Variants in MMAB observed in about 807,000 individuals in gnomAD.
The protein encoded by MMAB is corrinoid adenosyltransferase MMAB.
Under a neutral mutation model 30.6 loss-of-function variants are expected in MMAB, and 17 were observed. That is an observed-to-expected ratio of 0.56 (90% CI 0.38 to 0.83). The LOEUF is 0.83. Ranked by LOEUF, MMAB falls within the 40% of genes least tolerant of loss-of-function variation. The pLI is 0.00. For synonymous variants in MMAB, 134 were observed against 138.6 expected (o/e 0.97, Z 0.23); for missense variants, 311 against 331.6 (o/e 0.94, Z 0.48).
chr12:109,563,431 G>A (rs1239146577), intron 4 of MMAB, among the ~76,000 whole-genome samples: 3 of 152,222 alleles, frequency 2.0e-5, no homozygotes, highest in African/African-American at 4.8e-5. Context: ...CAGGCCCTGC[G>A]AGCGGCTACC....
At chr12:109,566,889 C>T in intron 3 of MMAB, 1 of 437,706 alleles carries the variant, frequency 2.3e-6, no homozygotes. Context: ...TCCCTTTGCC[C>T]ACTTGGTCTT....
intron 2 of MMAB, among the ~76,000 whole-genome samples, 156 bp downstream of exon 2, chr12:109,571,493 T>G (rs1251659487): frequency 6.6e-6 from 1 of 152,154 alleles, no homozygotes; most frequent in African/African-American, 2.4e-5. Context: ...CTCAGATGAT[T>G]AGCCCAACAG....
In MMAB at chr12:109,558,450, C is replaced by T. The variant is rs549423472; in HGVS notation, c.644+646G>A. On this transcript the variant is annotated intron_variant, in intron 8 of 8. Transcript: ENST00000545712. The surrounding 1 kb of genome is among the most constrained non-coding windows in gnomAD (Gnocchi z 4.3). ...GACACCCAGGACAGCTCCTGGGGTG[C>T]AGACCTGCTCCCCCAGCTCTCTACC... Among the ~76,000 whole-genome samples the T allele has an allele frequency of 1.3e-5, 2 of 152,158 alleles. No homozygotes were observed. The highest frequency in any genetic ancestry group is 2.9e-5 in the Non-Finnish European group (2 of 67,998).
rs920927158 is a variant in MMAB at position 109,555,967 on chromosome 12, C to T, written c.*1061G>A. The stretch of plus-strand genomic sequence containing the variant: ...TGATGGCTGAATGGAGTTCGCCAGG[C>T]ATTTCAGCCCTGAAACTGGACAAGA... On this transcript the variant is annotated 3_prime_UTR_variant, in exon 9 of 9. Coordinates refer to ENST00000545712, the MANE Select transcript of MMAB (RefSeq NM_052845.4). The T allele has an allele frequency of 4.4e-6, 2 of 454,018 alleles. No individual in the cohort carries two copies. The highest frequency in any genetic ancestry group is 8.8e-6 in the Non-Finnish European group (2 of 226,682). 28.1% of individuals were successfully genotyped at this position (454,018 alleles called of 1,614,324 possible). A position where few individuals can be genotyped will look rare whatever the true frequency, so the allele number is the denominator to read the frequency against.
At chr12:109,565,544 T>TGGTGATA (rs1234042714) in intron 3 of MMAB, among the ~76,000 whole-genome samples, 4 of 152,086 alleles carry the variant, frequency 2.6e-5, no homozygotes, top group African/African-American at 9.7e-5. Context: ...CGCAGCCCTG[T>TGGTGATA]GGTGATAGGT....
At chr12:109,570,810 G>A (rs1393937038) in intron 2 of MMAB, among the ~76,000 whole-genome samples, 1 of 150,510 alleles carries the variant, frequency 6.6e-6, no homozygotes, top group African/African-American at 2.5e-5. Flanking sequence ...AAAGGTGGAG[G>A]CTGTTGTGAG....
intron 4 of MMAB, among the ~76,000 whole-genome samples, chr12:109,564,540 T>C (rs1251995038): frequency 7.9e-5 from 12 of 151,340 alleles, no homozygotes; most frequent in Non-Finnish European, 1.2e-4. Flanking sequence ...CATGCCACCA[T>C]ACTTGGCTAA....
chr12:109,571,811 C>G lies in MMAB; in HGVS notation c.135-101G>C, dbSNP rs1884639025. The G allele has an allele frequency of 1.7e-5, 15 of 908,284 alleles. No homozygotes were observed. The South Asian group carries it at 2.0e-4, about 12-fold the overall frequency. 56.3% of individuals were successfully genotyped at this position (908,284 alleles called of 1,614,324 possible). ...AGCTTGCTGCTTGTAACCTCAGAGG[C>G]AGCACTTACCCCTTACTGCTTAGAT... is the stretch of plus-strand genomic sequence containing the variant. On this transcript the variant is annotated intron_variant, in intron 1 of 8. Coordinates refer to ENST00000545712, the MANE Select transcript of MMAB (RefSeq NM_052845.4).
chr12:109,560,972 T>TTCCCC, intron 7 of MMAB, 68 bp downstream of exon 7: 1 of 464,390 alleles, frequency 2.2e-6, no homozygotes, highest in Non-Finnish European at 4.1e-6. Flanking sequence ...CCTCTCCCTC[T>TTCCCC]CCCTCCCCCC....
chr12:109,562,066 A>C (rs902090276), intron 4 of MMAB, among the ~76,000 whole-genome samples: 4 of 152,174 alleles, frequency 2.6e-5, no homozygotes, highest in Non-Finnish European at 5.9e-5. Flanking sequence ...TGATTGGATC[A>C]TTGGGGTAGT....
intron 3 of MMAB, 144 bp downstream of exon 3, chr12:109,568,626 G>C (rs1172353212): frequency 2.7e-6 from 2 of 750,540 alleles, no homozygotes; most frequent in Non-Finnish European, 4.9e-6. Context: ...GAGCTGACCA[G>C]CCTGTGCTTC....
At position 109,558,997 on chromosome 12, in the gene MMAB, A is replaced by C; in HGVS notation, c.644+99T>G. The C allele has an allele frequency of 3.5e-6, 3 of 865,880 alleles. No homozygotes were observed. Among genetic ancestry groups the C allele is most frequent in the Admixed American group, 1.8e-5 (1 of 54,322 alleles). The allele number at this position is 865,880 out of a possible 1,614,324, so 53.6% of individuals were successfully genotyped here. A position where few individuals can be genotyped will look rare whatever the true frequency, so the allele number is the denominator to read the frequency against. On this transcript the variant is annotated intron_variant, in intron 8 of 8. Coordinates refer to ENST00000545712, the MANE Select transcript of MMAB (RefSeq NM_052845.4). This position sits in a 1 kb window ranked among gnomAD's most constrained non-coding sequence, Gnocchi z 4.3. ...AGGGAATGAAGGAGGGGGTGCGGGA[A>C]TGCTGCCCCACACTGCTTCCCGGAC... is the stretch of plus-strand genomic sequence containing the variant.
At position 109,573,477 on chromosome 12, in the gene MMAB, C is replaced by T. The variant is rs1157166932; in HGVS notation, c.4G>A (p.Ala2Thr). The T allele has an allele frequency of 6.2e-7, 1 of 1,603,184 alleles. No individual in the cohort carries two copies. Residue 2 changes from alanine to threonine, a missense_variant, in exon 1 of 9, where the codon GCT becomes ACT. Coordinates refer to ENST00000545712, the MANE Select transcript of MMAB (RefSeq NM_052845.4). MAVCGLGSRLGL... is the reference protein window; with the variant it reads MTVCGLGSRLGL... ...AGACGGCTCCCCAGGCCGCACACAG[C>T]CATGAGCCAGGCTGCTTGACGGGAC... is the stretch of plus-strand genomic sequence containing the variant.
intron 4 of MMAB, among the ~76,000 whole-genome samples, chr12:109,563,196 C>G (rs1327928692): frequency 6.6e-6 from 1 of 152,230 alleles, no homozygotes; most frequent in Non-Finnish European, 1.5e-5. Context: ...ACTTGGTTGG[C>G]CACGTGCAGC....
chr12:109,562,649 G>C (rs1224525207), intron 4 of MMAB, among the ~76,000 whole-genome samples: 1 of 152,154 alleles, frequency 6.6e-6, no homozygotes, highest in Non-Finnish European at 1.5e-5. Flanking sequence ...TGACAGCTTT[G>C]GTTTTCTAAC....
At chr12:109,568,962 C>G (rs2136208515) in intron 2 of MMAB, 99 bp from the exon 3 acceptor site, 1 of 905,280 alleles carries the variant, frequency 1.1e-6, no homozygotes, top group Non-Finnish European at 1.8e-6. Flanking sequence ...AGAACTTTCT[C>G]TTTTTTGAAC....
In MMAB at chr12:109,561,464, T is replaced by C; in HGVS notation, c.475A>G (p.Lys159Glu). Residue 159 changes from lysine to glutamate, a missense_variant, in exon 6 of 9, where the codon AAG becomes GAG. Physicochemically the swap from Lys to Glu is moderately conservative, Grantham distance 56. Coordinates refer to ENST00000545712, the MANE Select transcript of MMAB (RefSeq NM_052845.4). The surrounding 1 kb of genome is among the most constrained non-coding windows in gnomAD (Gnocchi z 5.3). ...AGTGGTGGGAGCTGGCTGGTGTACT[T>C]GTCGATCCACTGCTCCAGCTCCAGG... ...PILELEQWID[K>E]YTSQLPPLTA... is the part of the protein sequence containing the mutation. The C allele has an allele frequency of 1.3e-6, 2 of 1,550,622 alleles. No individual in the cohort carries two copies. The highest frequency in any genetic ancestry group is 1.2e-5 in the South Asian group (1 of 84,048).
Position 109,560,611 on chromosome 12 carries a change from G to A in MMAB, c.584+429C>T, listed in dbSNP as rs528718841. Among the ~76,000 whole-genome samples the A allele has an allele frequency of 5.6e-4, 85 of 152,284 alleles. 1 individual carries two copies. The highest frequency in any genetic ancestry group is 9.0e-4 in the Non-Finnish European group (61 of 68,024). ...CCCCACAGCCATGCAGGCCTTTCAG[G>A]AGCCTTATGCACCCAGCAGCCAGCA... On this transcript the variant is annotated intron_variant, in intron 7 of 8. Coordinates refer to ENST00000545712, the MANE Select transcript of MMAB (RefSeq NM_052845.4).
At chr12:109,565,510 A>C (rs1884388569) in intron 3 of MMAB, among the ~76,000 whole-genome samples, 1 of 152,108 alleles carries the variant, frequency 6.6e-6, no homozygotes, top group Non-Finnish European at 1.5e-5. Flanking sequence ...GACAGTCTCA[A>C]GTGCTGGATC....
Sources: gnomAD v4.1 joint callset for allele counts (sites outside exome capture counted in the v4.1 genomes callset) on GRCh38, gnomAD v4.1.1 for gene constraint, Gnocchi (gnomAD v3.1) non-coding constraint, MANE v1.5 for transcripts, NCBI Gene and HGNC (gene_info 2026-07-23, HGNC 2026-07-21) for gene names.